Variants in TRIQK observed in about 807,000 individuals in gnomAD.
TRIQK encodes the protein triple QxxK/R motif containing, also known as triple QxxK/R motif-containing protein.
TRIQK carries 10 observed loss-of-function variants against 10.8 expected under a neutral mutation model. That is an observed-to-expected ratio of 0.92 (90% CI 0.57 to 1.57). The LOEUF (loss-of-function observed/expected upper bound fraction) is 1.57. TRIQK is among the 40% of genes most tolerant of loss of function. TRIQK has a pLI of 0.00. For synonymous variants in TRIQK, 33 were observed against 33.7 expected (o/e 0.98, Z 0.07); for missense variants, 107 against 97.7 (o/e 1.09, Z -0.40).
intron 2 of TRIQK, among the ~76,000 whole-genome samples, chr8:92,943,053 C>A (rs1811349797): frequency 6.7e-6 from 1 of 148,774 alleles, no homozygotes; most frequent in Non-Finnish European, 1.5e-5. Flanking sequence ...GAAATAAGGA[C>A]AACAATCCTA....
At chr8:92,928,706 A>G (rs1409118354) in intron 2 of TRIQK, among the ~76,000 whole-genome samples, 4 of 152,206 alleles carry the variant, frequency 2.6e-5, no homozygotes, top group Non-Finnish European at 5.9e-5. Flanking sequence ...GGGAGGCCTG[A>G]GCAGGGACTG....
Position 92,911,770 on chromosome 8 carries a change from CATAA to C in TRIQK, c.61+5155_61+5158del, listed in dbSNP as rs373449531. ...AAATACACATATATGCATATGTGTA[CATAA>C]ATAAATATACATATATACATATATA... On this transcript the variant is annotated intron_variant, in intron 3 of 4. Coordinates refer to ENST00000521988, the MANE Select transcript of TRIQK (RefSeq NM_001171797.2). 4.3e-4 allele frequency among the ~76,000 whole-genome samples: 65 copies of C among 149,840 alleles called. 1 individual carries two copies. The highest frequency in any genetic ancestry group is 1.6e-3 in the East Asian group (8 of 5,116).
chr8:92,975,085 C>A (rs937178142), intron 1 of TRIQK, among the ~76,000 whole-genome samples: 4 of 152,194 alleles, frequency 2.6e-5, no homozygotes, highest in African/African-American at 9.6e-5. Flanking sequence ...GGAACTCCCA[C>A]AATCAAGGAT....
rs997488414 is a variant in TRIQK, at chr8:92,916,944, A to T, written c.46T>A (p.Tyr16Asn). Residue 16 changes from tyrosine (Y) to asparagine (N), a missense_variant, in exon 3 of 5, where the codon TAC becomes AAC. Transcript: ENST00000521988. Reference sequence around the variant, plus strand: ...CATTGCTTACCAATTTGTTTTCTGTACTGATCAACAGGAAGTTTTATAGTA... The same window carrying T: ...CATTGCTTACCAATTTGTTTTCTGTTCTGATCAACAGGAAGTTTTATAGTA... ...AATIKLPVDQYRKQIGKQDYK... is the reference protein window; with the variant it reads ...AATIKLPVDQNRKQIGKQDYK... 1 of 1,503,022 alleles carries T rather than the reference A, an allele frequency of 6.7e-7. No homozygotes were observed. Among genetic ancestry groups the T allele is most frequent in the Non-Finnish European group, 8.8e-7 (1 of 1,131,748 alleles). The allele number at this position is 1,503,022 out of a possible 1,614,324, so 93.1% of individuals were successfully genotyped here. A position where few individuals can be genotyped will look rare whatever the true frequency, so the allele number is the denominator to read the frequency against.
chr8:92,935,843 T>C (rs1810961416), intron 2 of TRIQK, among the ~76,000 whole-genome samples: 1 of 151,464 alleles, frequency 6.6e-6, no homozygotes, highest in Admixed American at 6.6e-5. Context: ...AAAACACATT[T>C]CTTAAAAAAC....
chr8:92,913,956 A>C (rs1362862145), intron 3 of TRIQK, among the ~76,000 whole-genome samples: 3 of 152,018 alleles, frequency 2.0e-5, no homozygotes, highest in Non-Finnish European at 4.4e-5. Flanking sequence ...ACATCACACA[A>C]CAGGGCCTGT....
At chr8:92,989,829 A>G (rs188029982) in intron 1 of TRIQK, among the ~76,000 whole-genome samples, 213 of 152,326 alleles carry the variant, frequency 1.4e-3, no homozygotes, top group Middle Eastern at 6.8e-3. Flanking sequence ...ATTTAAGCAT[A>G]AAAGTAGGTG....
intron 1 of TRIQK, among the ~76,000 whole-genome samples, chr8:92,957,783 T>TA (rs961733628): frequency 7.6e-4 from 116 of 151,978 alleles, no homozygotes; most frequent in African/African-American, 2.6e-3. Flanking sequence ...AGTAACTTCT[T>TA]AATATTCTAA....
chr8:92,905,337 T>C (rs1041765251), intron 3 of TRIQK, among the ~76,000 whole-genome samples: 1 of 152,128 alleles, frequency 6.6e-6, no homozygotes, highest in African/African-American at 2.4e-5. Context: ...TAACAATATA[T>C]ACAACATGAT....
At chr8:92,886,943 G>C (rs1304311298) in intron 4 of TRIQK, 5 of 363,266 alleles carry the variant, frequency 1.4e-5, no homozygotes, top group Non-Finnish European at 2.5e-5. Flanking sequence ...TACACCAGTG[G>C]GTGAGTCATT....
At chr8:92,959,327 C>T (rs1184094124) in intron 1 of TRIQK, among the ~76,000 whole-genome samples, 1 of 151,922 alleles carries the variant, frequency 6.6e-6, no homozygotes, top group Non-Finnish European at 1.5e-5. Flanking sequence ...CAGAAGTTCA[C>T]AAAATTTTAT....
chr8:93,017,161 GA>G (rs1813392896), intron 1 of TRIQK, among the ~76,000 whole-genome samples: 1 of 70,812 alleles, frequency 1.4e-5, no homozygotes, highest in Non-Finnish European at 3.0e-5. Flanking sequence ...GAGAGAGAGA[GA>G]GAGAGATGGA....
chr8:92,964,217 T>TG (rs1262927513), intron 1 of TRIQK, among the ~76,000 whole-genome samples: 21 of 152,228 alleles, frequency 1.4e-4, no homozygotes, highest in Non-Finnish European at 2.1e-4. Context: ...TGCTCCCAGC[T>TG]ATGTAGCCTT....
chr8:92,912,056 C>A (rs1179537768), intron 3 of TRIQK, among the ~76,000 whole-genome samples: 3 of 151,026 alleles, frequency 2.0e-5, no homozygotes, highest in Admixed American at 1.3e-4. Context: ...CAGATTTAAA[C>A]AATACTACAG....
chr8:92,950,883 T>A (rs1403250939), intron 2 of TRIQK, among the ~76,000 whole-genome samples: 1 of 152,132 alleles, frequency 6.6e-6, no homozygotes, highest in Non-Finnish European at 1.5e-5. Context: ...TATAACATTA[T>A]ACAGGTCTCC....
At chr8:92,939,956 G>A (rs189047726) in intron 2 of TRIQK, among the ~76,000 whole-genome samples, 2 of 152,084 alleles carry the variant, frequency 1.3e-5, no homozygotes, top group African/African-American at 4.8e-5. Flanking sequence ...GAATTACCCA[G>A]CCAAGGAATA....
chr8:92,967,891 TATAA>T, upstream of TRIQK, among the ~76,000 whole-genome samples: 1 of 150,938 alleles, frequency 6.6e-6, no homozygotes, highest in Admixed American at 6.6e-5. Context: ...TTAATAAATA[TATAA>T]ATAAATGCTG....
rs540773899 is a variant in TRIQK, at chr8:92,993,111, G to C, written c.-181+24498C>G. 3.3e-5 allele frequency among the ~76,000 whole-genome samples: 5 copies of C among 152,186 alleles called. No individual in the cohort carries two copies. The South Asian group carries it at 1.0e-3, about 32-fold the overall frequency. On this transcript the variant is annotated intron_variant, in intron 1 of 4. Coordinates refer to the TRIQK transcript ENST00000520686. ...TTTCTACTGGTCTTTTCAGTCATTG[G>C]TAAGGCTGTTACATCATTGGTAAGG...
intron 3 of TRIQK, among the ~76,000 whole-genome samples, chr8:92,910,070 C>T (rs1809492331): frequency 6.6e-6 from 1 of 151,062 alleles, no homozygotes; most frequent in South Asian, 2.1e-4. Context: ...TTGTAATCAC[C>T]TAAGAATTAG....
Sources: allele counts gnomAD v4.1 joint callset (sites outside exome capture counted in the v4.1 genomes callset), GRCh38; gene constraint gnomAD v4.1.1; transcripts MANE v1.5; gene names NCBI Gene and HGNC (gene_info 2026-07-23, HGNC 2026-07-21).